The following MEIS2 variants were observed in gnomAD, a reference collection of about 807,000 sequenced individuals.
MEIS2 encodes the protein Meis homeobox 2, also known as homeobox protein Meis2.
Under a neutral mutation model 58.6 loss-of-function variants are expected in MEIS2, and 9 were observed. The ratio of observed to expected loss-of-function variants is 0.15; its 90% CI spans 0.09 to 0.27. MEIS2 has a LOEUF of 0.27. Among genes scored for constraint, MEIS2 ranks in the 10% least tolerant of loss-of-function variants. The probability of loss-of-function intolerance (pLI) is 1.00; values close to 1 mark genes in which losing one functional copy is unlikely to be tolerated. For missense variants in MEIS2, 427 were observed against 635.0 expected, an observed-to-expected ratio of 0.67 and a Z score of 3.52; for synonymous variants, 221 against 228.4, an observed-to-expected ratio of 0.97 and a Z score of 0.29.
chr15:36,973,141 C>T (rs1448394347), intron 8 of MEIS2, among the ~76,000 whole-genome samples: 1 of 152,120 alleles, frequency 6.6e-6, no homozygotes, highest in East Asian at 1.9e-4. Context: ...ACAATAATAC[C>T]TGCTTTACAG....
intron 8 of MEIS2, among the ~76,000 whole-genome samples, chr15:37,007,349 C>A (rs1196512211): frequency 6.6e-6 from 1 of 152,084 alleles, no homozygotes; most frequent in Non-Finnish European, 1.5e-5. Flanking sequence ...CGCAACATAG[C>A]AAGGTCCCAT....
At chr15:36,949,712 A>C (rs1385572220) in intron 9 of MEIS2, among the ~76,000 whole-genome samples, 1 of 151,964 alleles carries the variant, frequency 6.6e-6, no homozygotes, top group Non-Finnish European at 1.5e-5. Flanking sequence ...CACTGTGATC[A>C]TTTTATTTAA....
intron 7 of MEIS2, among the ~76,000 whole-genome samples, chr15:37,072,279 G>A (rs1240136946): frequency 6.6e-6 from 1 of 152,010 alleles, no homozygotes; most frequent in Non-Finnish European, 1.5e-5. Context: ...CCAGGCATAT[G>A]GCCTGGAAAA....
At chr15:37,100,882 A>C (rs574605786), upstream of MEIS2, 1 of 151,540 alleles carries the variant, frequency 6.6e-6, no homozygotes, top group Non-Finnish European at 1.5e-5. Flanking sequence ...AAAAAAAAAA[A>C]AAAACTTACT....
intron 8 of MEIS2, among the ~76,000 whole-genome samples, chr15:36,977,580 A>G (rs2059799784): frequency 6.6e-6 from 1 of 152,208 alleles, no homozygotes; most frequent in Non-Finnish European, 1.5e-5. Context: ...TTCCTGTAGT[A>G]AAGTATTTAA....
intron 8 of MEIS2, among the ~76,000 whole-genome samples, chr15:36,986,978 T>A (rs2060112592): frequency 6.6e-6 from 1 of 152,144 alleles, no homozygotes; most frequent in African/African-American, 2.4e-5. Flanking sequence ...GTGTGGAAGG[T>A]ATGCTTGGAG....
chr15:37,099,402 C>A (rs1358454921), intron 1 of MEIS2, 53 bp downstream of exon 1: 2 of 1,613,332 alleles, frequency 1.2e-6, no homozygotes, highest in Non-Finnish European at 1.7e-6. Flanking sequence ...TCGGGACAGG[C>A]CCCTCTTAGG....
rs142805723 is a variant in MEIS2 at position 36,978,308 on chromosome 15, G to A, written c.901-27908C>T. Among the ~76,000 whole-genome samples the A allele has an allele frequency of 3.3e-5, 5 of 152,300 alleles. No individual in the cohort carries two copies. The East Asian group carries it at 7.7e-4, about 24-fold the overall frequency. On this transcript the variant is annotated intron_variant, in intron 8 of 11. Transcript: ENST00000561208. Reference sequence around the variant, plus strand: ...ATTTACATTTTTGCTAATCCCTAGAGCAATTTACAGATGCAGAATCTGAGA... The same window carrying A: ...ATTTACATTTTTGCTAATCCCTAGAACAATTTACAGATGCAGAATCTGAGA...
chr15:36,911,270 C>CGTGTGTGT (rs57919785), intron 9 of MEIS2, among the ~76,000 whole-genome samples: 7 of 149,972 alleles, frequency 4.7e-5, no homozygotes, highest in South Asian at 2.1e-4. Flanking sequence ...TTAAGAATAA[C>CGTGTGTGT]GTGTGTGTGT....
chr15:37,043,032 C>T (rs534614592), intron 7 of MEIS2, among the ~76,000 whole-genome samples: 3 of 152,290 alleles, frequency 2.0e-5, no homozygotes, highest in South Asian at 2.1e-4. Context: ...TAGAATAATG[C>T]TTCTGCGACA....
rs539665721 is a variant in MEIS2, at chr15:37,090,165, ATAT to A, written c.639+3413_639+3415del. Among the ~76,000 whole-genome samples, 159 of 152,120 alleles carry A rather than the reference ATAT, an allele frequency of 1.0e-3. 2 individuals are homozygous for A. The South Asian group carries it at 0.031, about 30-fold the overall frequency. The stretch of plus-strand genomic sequence containing the variant: ...TGTAATAGCTCTTTCCTACCTATAA[ATAT>A]TATTATTATGTTATAGTAAAAGACA... On this transcript the variant is annotated intron_variant, in intron 6 of 11. Transcript: ENST00000561208.
At chr15:37,037,035 C>T (rs1001102960) in intron 7 of MEIS2, 76 bp from the exon 8 acceptor site, 2 of 1,378,450 alleles carry the variant, frequency 1.5e-6, no homozygotes. Flanking sequence ...ATGATGAGCT[C>T]AGCTAAGCTT....
intron 9 of MEIS2, among the ~76,000 whole-genome samples, chr15:36,924,305 C>A (rs1015088362): frequency 2.0e-5 from 3 of 152,172 alleles, no homozygotes; most frequent in Middle Eastern, 3.2e-3. Context: ...CCCTGTCAGG[C>A]AGAAAACAGT....
At chr15:37,066,348 A>C (rs1889922362) in intron 7 of MEIS2, 1 of 152,208 alleles carries the variant, frequency 6.6e-6, no homozygotes, top group South Asian at 2.1e-4. Flanking sequence ...CAGGACAGTC[A>C]CTTGCCTTAA....
At chr15:36,894,080 A>G (rs886340069) in intron 11 of MEIS2, among the ~76,000 whole-genome samples, 2 of 152,152 alleles carry the variant, frequency 1.3e-5, no homozygotes, top group African/African-American at 4.8e-5. Flanking sequence ...CTTCATATTC[A>G]GTTGCTCCTA....
intron 9 of MEIS2, among the ~76,000 whole-genome samples, chr15:36,944,799 G>A (rs1222799145): frequency 6.6e-6 from 1 of 152,046 alleles, no homozygotes; most frequent in Non-Finnish European, 1.5e-5. Flanking sequence ...TGAGCAGAGA[G>A]AGGATATTTA....
At chr15:36,989,133 T>C (rs951341635) in intron 8 of MEIS2, among the ~76,000 whole-genome samples, 1 of 152,198 alleles carries the variant, frequency 6.6e-6, no homozygotes, top group Admixed American at 6.5e-5. Flanking sequence ...TTTCCTTCAT[T>C]TGCTGACTCA....
intron 7 of MEIS2, among the ~76,000 whole-genome samples, chr15:37,038,840 C>T (rs909161629): frequency 6.6e-6 from 1 of 152,200 alleles, no homozygotes; most frequent in Non-Finnish European, 1.5e-5. Context: ...CACACATACA[C>T]GCACACCCAA....
chr15:36,999,893 G>T (rs1365327981), intron 8 of MEIS2, among the ~76,000 whole-genome samples: 1 of 152,072 alleles, frequency 6.6e-6, no homozygotes, highest in African/African-American at 2.4e-5. Context: ...TTTTTAACAT[G>T]CTTTTTACAC....
Sources: allele counts gnomAD v4.1 joint callset (sites outside exome capture counted in the v4.1 genomes callset), GRCh38; gene constraint gnomAD v4.1.1; transcripts MANE v1.5; gene names NCBI Gene and HGNC (gene_info 2026-07-23, HGNC 2026-07-21).